The following TAB3 variants were observed in gnomAD, a reference collection of about 807,000 sequenced individuals.
TAB3 encodes the protein TGF-beta activated kinase 1 (MAP3K7) binding protein 3.
Under a neutral mutation model 48.1 loss-of-function variants are expected in TAB3, and 18 were observed. That is an observed-to-expected ratio of 0.37 (90% confidence interval 0.26 to 0.55). The LOEUF (loss-of-function observed/expected upper bound fraction) is 0.55, where lower values mean the gene tolerates loss of function less well. TAB3 is among the 20% of genes least tolerant of loss of function. The pLI is 0.78. For synonymous variants in TAB3, 185 were observed against 190.2 expected (o/e 0.97, Z 0.22); for missense variants, 414 against 549.8 (o/e 0.75, Z 2.47).
At chrX:30,850,230 G>A (rs954874518) in intron 7 of TAB3, among the ~76,000 whole-genome samples, 1 of 111,667 alleles carries the variant, frequency 9.0e-6, no homozygotes, top group Admixed American at 9.5e-5. Flanking sequence ...GAAACACATG[G>A]GAAACACTTA....
chrX:30,853,578 G>A (rs1174665528), intron 6 of TAB3, among the ~76,000 whole-genome samples: 3 of 111,974 alleles, frequency 2.7e-5, no homozygotes, highest in South Asian at 3.6e-4. Context: ...TGTATTTTTC[G>A]CTCTATGAAT....
chrX:30,866,692 G>T (rs771518687), intron 4 of TAB3, among the ~76,000 whole-genome samples: 10 of 108,576 alleles, frequency 9.2e-5, no homozygotes, highest in African/African-American at 3.3e-4. Flanking sequence ...ATAAAGAAAT[G>T]ACTGAATAAA....
intron 1 of TAB3, among the ~76,000 whole-genome samples, chrX:30,877,014 T>C (rs1939859169): frequency 1.8e-5 from 2 of 111,677 alleles, no homozygotes; most frequent in African/African-American, 3.3e-5. Context: ...TGATGAAACC[T>C]GTCAAACCAC....
chrX:30,859,430 C>T (rs1939185529), intron 5 of TAB3, 57 bp downstream of exon 5: 1 of 938,109 alleles, frequency 1.1e-6, no homozygotes, highest in African/African-American at 2.0e-5. Context: ...TCACACATCA[C>T]CAGCTCTAAT....
chrX:30,854,337 G>A lies in TAB3; in HGVS notation c.1328C>T (p.Pro443Leu), dbSNP rs1285529236. The A allele has an allele frequency of 8.3e-7, 1 of 1,211,441 alleles. No individual in the cohort carries two copies. Among genetic ancestry groups the A allele is most frequent in the South Asian group, 1.8e-5 (1 of 56,932 alleles). The change falls in exon 6 of 11, where the codon CCA becomes CTA. Residue 443 changes from proline to leucine, a missense_variant. Physicochemically the swap from Pro to Leu is moderately conservative, Grantham distance 98. Transcript: ENST00000288422. ...TGGGTTTGGTATCACTCGAGGAGAT[G>A]GTGATGGAGTACAAGAAGGTCCAGT... ...QPTGPSCTPS[P>L]SPRVIPNPTT...
At chrX:30,872,286 T>C (rs1939684696) in intron 1 of TAB3, among the ~76,000 whole-genome samples, 2 of 111,925 alleles carry the variant, frequency 1.8e-5, no homozygotes, top group African/African-American at 6.5e-5. Context: ...TAGAGGAACT[T>C]TTTAAAATTC....
intron 7 of TAB3, among the ~76,000 whole-genome samples, chrX:30,848,840 C>G (rs1050057100): frequency 5.5e-5 from 6 of 110,050 alleles, no homozygotes. Context: ...TCAAAGACCA[C>G]TGATGTTCTT....
chrX:30,862,453 G>T (rs2077314486), intron 4 of TAB3, among the ~76,000 whole-genome samples: 1 of 111,398 alleles, frequency 9.0e-6, no homozygotes. Flanking sequence ...TCTTTTTTAT[G>T]AGCTAGAAGA....
At chrX:30,886,133 C>T (rs1477739441) in intron 1 of TAB3, among the ~76,000 whole-genome samples, 3 of 112,124 alleles carry the variant, frequency 2.7e-5, no homozygotes, top group Non-Finnish European at 5.6e-5. Context: ...AATATTTCAT[C>T]AAGTCCATTT....
intron 4 of TAB3, 147 bp from the exon 5 acceptor site, chrX:30,859,825 C>A: frequency 2.6e-6 from 1 of 382,653 alleles, no homozygotes. Flanking sequence ...CCTTGCCTCT[C>A]CCCTCCACAA....
chrX:30,888,706 C>A (rs982401252), intron 1 of TAB3, among the ~76,000 whole-genome samples: 8 of 113,015 alleles, frequency 7.1e-5, no homozygotes, highest in African/African-American at 1.9e-4. Context: ...CCCTCAACGG[C>A]CCCCACGCTG....
At chrX:30,870,382 C>T (rs898208053) in intron 2 of TAB3, among the ~76,000 whole-genome samples, 1 of 112,437 alleles carries the variant, frequency 8.9e-6, no homozygotes, top group African/African-American at 3.2e-5. Flanking sequence ...TAATCATTAA[C>T]TAAACAATTT....
chrX:30,875,828 G>A (rs1939815325), intron 1 of TAB3, among the ~76,000 whole-genome samples: 1 of 112,074 alleles, frequency 8.9e-6, no homozygotes, highest in South Asian at 3.7e-4. Flanking sequence ...AATTATACAA[G>A]TGAGTACAGC....
intron 1 of TAB3, among the ~76,000 whole-genome samples, chrX:30,888,240 T>C (rs1266106861): frequency 8.9e-6 from 1 of 112,837 alleles, no homozygotes; most frequent in South Asian, 3.6e-4. Context: ...CTTGTTCTTT[T>C]AGAAACCAGA....
At chrX:30,841,814 T>C (rs766250782) in intron 9 of TAB3, among the ~76,000 whole-genome samples, 1 of 112,525 alleles carries the variant, frequency 8.9e-6, no homozygotes, top group East Asian at 2.8e-4. Flanking sequence ...ACTACTTATT[T>C]ATGAATGAAT....
intron 1 of TAB3, among the ~76,000 whole-genome samples, chrX:30,886,508 C>T (rs765800869): frequency 3.6e-5 from 4 of 111,891 alleles, no homozygotes; most frequent in Non-Finnish European, 5.6e-5. Context: ...GTCTCTAAAG[C>T]TACATAATAC....
chrX:30,864,749 G>A (rs1331307253), intron 4 of TAB3, among the ~76,000 whole-genome samples: 2 of 111,856 alleles, frequency 1.8e-5, no homozygotes, highest in Admixed American at 1.9e-4. Flanking sequence ...TCTGTGGAAT[G>A]AATTCAGCCC....
chrX:30,871,025 T>C (rs1422262500), intron 2 of TAB3, among the ~76,000 whole-genome samples: 2 of 112,496 alleles, frequency 1.8e-5, no homozygotes, highest in African/African-American at 3.2e-5. Context: ...CACATACCCA[T>C]GCTGGATACT....
chrX:30,842,708 A>G (rs1164154926), intron 9 of TAB3, among the ~76,000 whole-genome samples: 2 of 110,657 alleles, frequency 1.8e-5, no homozygotes, highest in Non-Finnish European at 3.8e-5. Context: ...CATGCCACAC[A>G]CCAGCTACTT....
Sources: gnomAD v4.1 joint callset for allele counts (sites outside exome capture counted in the v4.1 genomes callset) on GRCh38, gnomAD v4.1.1 for gene constraint, MANE v1.5 for transcripts, NCBI Gene and HGNC (gene_info 2026-07-23, HGNC 2026-07-21) for gene names.